The following HBS1L variants were observed in gnomAD, a reference collection of about 807,000 sequenced individuals.
HBS1L encodes the protein HBS1 like translational GTPase.
A neutral mutation model predicts 88.9 loss-of-function variants in HBS1L; 55 were observed. That is an observed-to-expected ratio of 0.62 (90% CI 0.50 to 0.77). The LOEUF is 0.77. Among genes scored for constraint, HBS1L ranks in the 30% least tolerant of loss-of-function variants. HBS1L has a pLI of 0.00. For missense variants in HBS1L, 741 were observed against 829.3 expected, an observed-to-expected ratio of 0.89 and a Z score of 1.31; for synonymous variants, 267 against 288.5, an observed-to-expected ratio of 0.93 and a Z score of 0.76.
In HBS1L at chr6:134,961,629, C is replaced by G. The variant is rs1774190791; in HGVS notation, c.*3650G>C. 6.6e-6 allele frequency: 1 copy of G among 152,212 alleles called. No homozygotes were observed. The highest frequency in any genetic ancestry group is 2.4e-5 in the African/African-American group (1 of 41,438). 9.4% of individuals were successfully genotyped at this position (152,212 alleles called of 1,614,324 possible). A position where few individuals can be genotyped will look rare whatever the true frequency, so the allele number is the denominator to read the frequency against. On this transcript the variant is annotated 3_prime_UTR_variant, in exon 18 of 18. Transcript: ENST00000367837. ...CACCCACAACATAAAAATTAAGATACCCAGTTGCAAAATCACTCCCACTTT... is the reference window on the plus strand; with the variant it reads ...CACCCACAACATAAAAATTAAGATAGCCAGTTGCAAAATCACTCCCACTTT...
chr6:134,968,951 T>C (rs1774401044), intron 16 of HBS1L, among the ~76,000 whole-genome samples: 1 of 152,192 alleles, frequency 6.6e-6, no homozygotes, highest in South Asian at 2.1e-4. Flanking sequence ...TCAGTATCTA[T>C]GGCTTGAAAT....
At chr6:135,050,965 C>A (rs9402678) in intron 1 of HBS1L, among the ~76,000 whole-genome samples, 70,867 of 152,042 alleles carry the variant, frequency 0.47, 16,852 homozygotes, top group South Asian at 0.56. Flanking sequence ...CGGTGGCTTA[C>A]GCCTGTAATC....
In HBS1L at chr6:134,965,139, A is replaced by G; in HGVS notation, c.*140T>C. On this transcript the variant is annotated 3_prime_UTR_variant, in exon 18 of 18. Transcript: ENST00000367837. ...GAGGTGATTATTAATACTTCTTTGCAGCTAATTTTAGCTTTAATTTTTCTC... is the reference window on the plus strand; with the variant it reads ...GAGGTGATTATTAATACTTCTTTGCGGCTAATTTTAGCTTTAATTTTTCTC... 1 of 751,800 alleles carries G rather than the reference A, an allele frequency of 1.3e-6. No individual in the cohort carries two copies. Among genetic ancestry groups the G allele is most frequent in the South Asian group, 1.6e-5 (1 of 63,610 alleles). The allele number at this position is 751,800 out of a possible 1,614,324, so 46.6% of individuals were successfully genotyped here.
At chr6:135,050,262 G>A (rs958983284) in intron 2 of HBS1L, among the ~76,000 whole-genome samples, 3 of 152,206 alleles carry the variant, frequency 2.0e-5, no homozygotes, top group Admixed American at 6.5e-5. Flanking sequence ...TATAATGGCT[G>A]CCTGCCTCCA....
At chr6:135,022,664 G>A (rs915284639) in intron 4 of HBS1L, among the ~76,000 whole-genome samples, 2 of 151,914 alleles carry the variant, frequency 1.3e-5, no homozygotes, top group Non-Finnish European at 1.5e-5. Flanking sequence ...ACTCAGTGAT[G>A]AATAAATTAG....
Position 134,996,917 on chromosome 6 carries a change from A to T in HBS1L, c.825T>A (p.Thr275=), listed in dbSNP as rs1775304318. ...VIGHVDAGKS[T]LMGHMLYLLG... ...GAAGATAAAGCATATGGCCCATCAG[A>T]GTACTTTTCCCAGCATCAACATGAC... Residue 275 remains threonine (T), a synonymous_variant, in exon 7 of 18, where the codon ACT becomes ACA. Coordinates refer to ENST00000367837, the MANE Select transcript of HBS1L (RefSeq NM_006620.4). 1.3e-6 allele frequency: 2 copies of T among 1,594,506 alleles called. No homozygotes were observed. Among genetic ancestry groups the T allele is most frequent in the Admixed American group, 3.7e-5 (2 of 54,404 alleles).
chr6:134,982,197 C>T lies in HBS1L; in HGVS notation c.1597+261G>A, dbSNP rs531632619. The stretch of plus-strand genomic sequence containing the variant: ...TATACATATCTGATTAAATCCTAAC[C>T]AGGCTTCTCAGATCTGTGTCAAAAA... On this transcript the variant is annotated intron_variant, in intron 13 of 17. Coordinates refer to ENST00000367837, the MANE Select transcript of HBS1L (RefSeq NM_006620.4). 14 of 357,242 alleles carry T rather than the reference C, an allele frequency of 3.9e-5. No individual in the cohort carries two copies. The East Asian group carries it at 5.9e-4, about 15-fold the overall frequency. The allele number at this position is 357,242 out of a possible 1,614,324, so 22.1% of individuals were successfully genotyped here. A position where few individuals can be genotyped will look rare whatever the true frequency, so the allele number is the denominator to read the frequency against.
Position 135,054,692 on chromosome 6 carries a change from G to C in HBS1L, c.-1C>G, listed in dbSNP as rs772985126. 3 of 1,614,244 alleles carry C rather than the reference G, an allele frequency of 1.9e-6. No individual in the cohort carries two copies. The highest frequency in any genetic ancestry group is 2.5e-6 in the Non-Finnish European group (3 of 1,180,046). On this transcript the variant is annotated 5_prime_UTR_variant, in exon 1 of 18. Transcript: ENST00000367837. Reference sequence around the variant, plus strand: ...CTCGAACATTCCGATGCCGGGCCATGACGGCGGAGAGGGCGTTTGCCACAG... The same window carrying C: ...CTCGAACATTCCGATGCCGGGCCATCACGGCGGAGAGGGCGTTTGCCACAG...
chr6:135,035,860 G>T (rs943960253), intron 4 of HBS1L: 19 of 760,494 alleles, frequency 2.5e-5, no homozygotes, highest in Non-Finnish European at 3.0e-5. Context: ...AACCATACTT[G>T]AAAACACTTT....
intron 4 of HBS1L, chr6:135,037,163 T>C (rs1423952182): frequency 6.4e-7 from 1 of 1,551,738 alleles, no homozygotes; most frequent in South Asian, 1.2e-5. Context: ...AGAGATCCTG[T>C]TAATTCTGAT....
chr6:134,997,390 G>C lies in HBS1L; in HGVS notation c.799+7C>G, dbSNP rs372978989. 37 of 1,613,884 alleles carry C rather than the reference G, an allele frequency of 2.3e-5. No homozygotes were observed. Among genetic ancestry groups the C allele is most frequent in the African/African-American group, 5.3e-5 (4 of 75,016 alleles). ...GGCTGACGATCCAGAGGGACAAAGA[G>C]CATTACCAATGACCACTAAGTTGAG... On this transcript the variant is annotated splice_region_variant and intron_variant, in intron 6 of 17. Transcript: ENST00000367837.
At chr6:135,021,300 T>C (rs1776063943) in intron 4 of HBS1L, among the ~76,000 whole-genome samples, 1 of 152,122 alleles carries the variant, frequency 6.6e-6, no homozygotes, top group African/African-American at 2.4e-5. Context: ...ATTAGGCATG[T>C]ACTTTCTCTT....
chr6:134,977,694 CCACTAT>C (rs1250017140), intron 15 of HBS1L, among the ~76,000 whole-genome samples: 5 of 151,826 alleles, frequency 3.3e-5, no homozygotes, highest in African/African-American at 1.2e-4. Context: ...AACCTCTAAA[CCACTAT>C]CACTAACTTT....
chr6:135,052,887 GT>G (rs1485527443), intron 1 of HBS1L, among the ~76,000 whole-genome samples: 4 of 152,124 alleles, frequency 2.6e-5, no homozygotes, highest in African/African-American at 9.7e-5. Flanking sequence ...GAACCAGTAG[GT>G]TTTAGAACAC....
intron 8 of HBS1L, among the ~76,000 whole-genome samples, chr6:134,991,143 G>A (rs141295212): frequency 7.2e-4 from 108 of 150,476 alleles, no homozygotes; most frequent in African/African-American, 2.5e-3. Context: ...GCAATGAGAA[G>A]TACAGTTTCC....
intron 4 of HBS1L, among the ~76,000 whole-genome samples, chr6:135,035,261 C>T (rs552606282): frequency 3.9e-5 from 6 of 152,046 alleles, no homozygotes; most frequent in African/African-American, 1.4e-4. Flanking sequence ...ACTATCCTGG[C>T]CAACATGGTG....
rs980530872 is a variant in HBS1L at position 134,994,102 on chromosome 6, T to C, written c.966-227A>G. Among the ~76,000 whole-genome samples the C allele has an allele frequency of 9.9e-5, 15 of 152,190 alleles. 2 individuals are homozygous for C. The highest frequency in any genetic ancestry group is 2.6e-4 in the Admixed American group (4 of 15,280). On this transcript the variant is annotated intron_variant, in intron 7 of 17. Coordinates refer to ENST00000367837, the MANE Select transcript of HBS1L (RefSeq NM_006620.4). ...AAGGGAGGACAAAGTAAGAGCTCAA[T>C]AAAAATGATAGTTATGCCCTATTAT...
chr6:134,965,076 A>T lies in HBS1L; in HGVS notation c.*203T>A, dbSNP rs187304186. The T allele has an allele frequency of 3.3e-5, 19 of 583,614 alleles. No individual in the cohort carries two copies. The East Asian group carries it at 3.9e-4, about 12-fold the overall frequency. 36.2% of individuals were successfully genotyped at this position (583,614 alleles called of 1,614,324 possible). ...CAAAGGCAAAGTTGTTTTTAACATTAGACTTTCTTTGCCAGTTGGCAACTT... is the reference window on the plus strand; with the variant it reads ...CAAAGGCAAAGTTGTTTTTAACATTTGACTTTCTTTGCCAGTTGGCAACTT... On this transcript the variant is annotated 3_prime_UTR_variant, in exon 18 of 18. Transcript: ENST00000367837.
At chr6:135,025,778 G>A (rs1157430324) in intron 4 of HBS1L, among the ~76,000 whole-genome samples, 2 of 152,156 alleles carry the variant, frequency 1.3e-5, no homozygotes, top group Non-Finnish European at 2.9e-5. Flanking sequence ...CAGGGTTTTT[G>A]AAGTTTTATG....
Sources: gnomAD v4.1 joint callset for allele counts (sites outside exome capture counted in the v4.1 genomes callset) on GRCh38, gnomAD v4.1.1 for gene constraint, MANE v1.5 for transcripts, NCBI Gene and HGNC (gene_info 2026-07-23, HGNC 2026-07-21) for gene names.